The following PCDHA6 variants were observed in gnomAD, a reference collection of about 807,000 sequenced individuals.
PCDHA6 encodes the protein protocadherin alpha 6, also known as protocadherin alpha-6.
In PCDHA6, 55 loss-of-function variants were observed where a neutral mutation model predicts 60.3. The observed-to-expected ratio is 0.91, with a 90% CI of 0.73 to 1.14. The LOEUF is 1.14. PCDHA6 is among the 50% of genes most tolerant of loss of function. The pLI is 0.00. For synonymous variants in PCDHA6, 652 were observed against 557.9 expected, an observed-to-expected ratio of 1.17 and a Z score of -2.38; for missense variants, 1,327 against 1,256.5, an observed-to-expected ratio of 1.06 and a Z score of -0.85.
chr5:140,843,521 G>A (rs1168797267), intron 1 of PCDHA6: 1 of 1,595,866 alleles, frequency 6.3e-7, no homozygotes, highest in Non-Finnish European at 8.6e-7. Context: ...CGGGTGCCGG[G>A]CGGGCAAGCC....
intron 1 of PCDHA6, among the ~76,000 whole-genome samples, chr5:140,908,736 A>G (rs2074127705): frequency 6.6e-6 from 1 of 152,180 alleles, no homozygotes; most frequent in African/African-American, 2.4e-5. Flanking sequence ...GGCTCGAGAA[A>G]CAGAGCAACT....
chr5:140,937,776 G>A (rs1350103217), intron 1 of PCDHA6, among the ~76,000 whole-genome samples: 1 of 151,292 alleles, frequency 6.6e-6, no homozygotes, highest in Non-Finnish European at 1.5e-5. Context: ...GTCGGGCGTG[G>A]TGGCGGGCGT....
chr5:140,895,892 A>T (rs1554186717), intron 1 of PCDHA6, among the ~76,000 whole-genome samples: 1 of 152,080 alleles, frequency 6.6e-6, no homozygotes, highest in Non-Finnish European at 1.5e-5. Flanking sequence ...GCTCACTGCA[A>T]CCTCCGCGTC....
At chr5:140,954,787 T>C (rs2095088208) in intron 1 of PCDHA6, among the ~76,000 whole-genome samples, 1 of 152,218 alleles carries the variant, frequency 6.6e-6, no homozygotes, top group African/African-American at 2.4e-5. Flanking sequence ...TAGATCTCAT[T>C]TGTCAATTTT....
chr5:140,851,018 A>G (rs1389465492), intron 1 of PCDHA6: 4 of 1,432,904 alleles, frequency 2.8e-6, no homozygotes, highest in South Asian at 1.7e-5. Context: ...TTTTTCTGAT[A>G]AAGTAAACCC....
intron 1 of PCDHA6, among the ~76,000 whole-genome samples, chr5:140,969,883 A>G (rs1161815776): frequency 6.6e-6 from 1 of 152,204 alleles, no homozygotes; most frequent in African/African-American, 2.4e-5. Flanking sequence ...ATGTGATAGG[A>G]TCCTCTGGAA....
At chr5:140,866,828 T>C (rs1260647763) in intron 1 of PCDHA6, 1 of 152,140 alleles carries the variant, frequency 6.6e-6, no homozygotes, top group East Asian at 1.9e-4. Flanking sequence ...CTTCAATTGA[T>C]TTTACAAAAT....
At position 140,842,682 on chromosome 5, in the gene PCDHA6, C is replaced by T. The variant is rs2150341934; in HGVS notation, c.2394+12197C>T. The stretch of plus-strand genomic sequence containing the variant: ...GCCGACGTGAACGACAATGCTCCGG[C>T]GTTCGCGCAGCCCGAGTACACGGTG... On this transcript the variant is annotated intron_variant, in intron 1 of 3. Coordinates refer to ENST00000529310, the MANE Select transcript of PCDHA6 (RefSeq NM_018909.4). 2.1e-5 allele frequency: 34 copies of T among 1,595,356 alleles called. 3 individuals are homozygous for T. The Middle Eastern group carries it at 5.3e-4, about 25-fold the overall frequency.
chr5:141,011,228 A>T lies in PCDHA6; in HGVS notation c.*1291A>T, dbSNP rs2098419864. 1 of 153,664 alleles carries T rather than the reference A, an allele frequency of 6.5e-6. No homozygotes were observed. The highest frequency in any genetic ancestry group is 1.5e-5 in the Non-Finnish European group (1 of 68,016). 9.5% of individuals were successfully genotyped at this position (153,664 alleles called of 1,614,324 possible). On this transcript the variant is annotated 3_prime_UTR_variant, in exon 4 of 4. Coordinates refer to ENST00000529310, the MANE Select transcript of PCDHA6 (RefSeq NM_018909.4). The stretch of plus-strand genomic sequence containing the variant: ...CAGTGAGCAGATTTTTCAATCTACT[A>T]ATTCTGTGACTTGTCTTGGTGTGCT...
chr5:140,883,207 G>T (rs781883209), intron 1 of PCDHA6: 12 of 1,613,794 alleles, frequency 7.4e-6, no homozygotes, highest in East Asian at 2.2e-5. Context: ...TCGAAGAAAA[G>T]AAATTATATG....
At chr5:140,991,078 A>T (rs1378051907) in intron 3 of PCDHA6, among the ~76,000 whole-genome samples, 1 of 152,188 alleles carries the variant, frequency 6.6e-6, no homozygotes, top group Non-Finnish European at 1.5e-5. Context: ...TGTTTCAGAT[A>T]AAAAAATTAA....
At position 140,836,025 on chromosome 5, in the gene PCDHA6, A is replaced by G. The variant is rs2150250973; in HGVS notation, c.2394+5540A>G. 6 of 1,613,528 alleles carry G rather than the reference A, an allele frequency of 3.7e-6. 1 individual carries two copies. In the South Asian group the frequency reaches 5.5e-5, roughly 15 times the overall value. Reference sequence around the variant, plus strand: ...TGCGGGCGTGCCGCCTCTGGGCAGCAACGTGACGCTGCAGGTGTTCGTGCT... The same window carrying G: ...TGCGGGCGTGCCGCCTCTGGGCAGCGACGTGACGCTGCAGGTGTTCGTGCT... On this transcript the variant is annotated intron_variant, in intron 1 of 3. Coordinates refer to ENST00000529310, the MANE Select transcript of PCDHA6 (RefSeq NM_018909.4).
At position 140,829,831 on chromosome 5, in the gene PCDHA6, G is replaced by C; in HGVS notation, c.1740G>C (p.Leu580=). The change falls in exon 1 of 4, where the codon CTG becomes CTC. Residue 580 remains leucine (L), a synonymous_variant. Transcript: ENST00000529310. ...GTACTGGTGGTGCAGTGAGCGAGCT[G>C]GTGCCGCGGTCACTGGGTGCAGGCC... is the stretch of plus-strand genomic sequence containing the variant. ...VGGTGGAVSE[L]VPRSLGAGQV... is the part of the protein sequence containing the mutation. 1 of 1,613,918 alleles carries C rather than the reference G, an allele frequency of 6.2e-7. No homozygotes were observed.
chr5:140,877,604 T>G (rs376081263), intron 1 of PCDHA6: 2 of 1,613,768 alleles, frequency 1.2e-6, no homozygotes, highest in African/African-American at 1.3e-5. Context: ...TCCAGCCTGC[T>G]GGTGCTCACG....
intron 1 of PCDHA6, chr5:140,878,061 AT>A (rs2057460632): frequency 2.4e-6 from 1 of 424,416 alleles, no homozygotes; most frequent in Non-Finnish European, 3.8e-6. Context: ...CACACTTAAT[AT>A]TTTTCTTTTT....
chr5:140,845,017 A>T lies in PCDHA6; in HGVS notation c.2394+14532A>T, dbSNP rs1779662524. On this transcript the variant is annotated intron_variant, in intron 1 of 3. Transcript: ENST00000529310. ...TCACTTATGAACAAATAATGTAATC[A>T]TTTATGGGCATATTTTAGCCCCCTT... Among the ~76,000 whole-genome samples, 2 of 149,310 alleles carry T rather than the reference A, an allele frequency of 1.3e-5. 1 individual carries two copies. The highest frequency in any genetic ancestry group is 3.0e-5 in the Non-Finnish European group (2 of 66,738).
At chr5:141,004,168 C>T (rs2098156227) in intron 3 of PCDHA6, among the ~76,000 whole-genome samples, 1 of 152,226 alleles carries the variant, frequency 6.6e-6, no homozygotes, top group Admixed American at 6.5e-5. Context: ...GCAAAGCCAG[C>T]CAAGTGTCTT....
At chr5:140,836,696 C>T (rs140050284) in intron 1 of PCDHA6, 1 of 1,613,304 alleles carries the variant, frequency 6.2e-7, no homozygotes, top group African/African-American at 1.3e-5. Context: ...ACCTCATGGC[C>T]TTCAGTCCCA....
intron 1 of PCDHA6, among the ~76,000 whole-genome samples, chr5:140,844,545 C>G (rs979935361): frequency 6.7e-6 from 1 of 149,334 alleles, no homozygotes; most frequent in South Asian, 2.1e-4. Context: ...ACCCTTTGTT[C>G]ATGAGTTGGA....
Sources: gnomAD v4.1 joint callset for allele counts (sites outside exome capture counted in the v4.1 genomes callset) on GRCh38, gnomAD v4.1.1 for gene constraint, MANE v1.5 for transcripts, NCBI Gene and HGNC (gene_info 2026-07-23, HGNC 2026-07-21) for gene names.